The following CSMD2 variants were observed in gnomAD, a reference collection of about 807,000 sequenced individuals.
CSMD2 encodes the protein CUB and sushi domain-containing protein 2.
A neutral mutation model predicts 398.5 loss-of-function variants in CSMD2; 130 were observed. That is an observed-to-expected ratio of 0.33 (90% confidence interval 0.28 to 0.38). The LOEUF (loss-of-function observed/expected upper bound fraction) is 0.38. CSMD2 is among the 10% of genes least tolerant of loss of function. The probability of loss-of-function intolerance (pLI) is 1.00; values close to 1 mark genes in which losing one functional copy is unlikely to be tolerated. For missense variants in CSMD2, 3,829 were observed against 4,764.9 expected, an observed-to-expected ratio of 0.80 and a Z score of 5.78; for synonymous variants, 1,828 against 1,908.5, an observed-to-expected ratio of 0.96 and a Z score of 1.10.
At chr1:33,952,050 A>G (rs1423788672) in intron 3 of CSMD2, among the ~76,000 whole-genome samples, 1 of 152,212 alleles carries the variant, frequency 6.6e-6, no homozygotes, top group East Asian at 1.9e-4. Flanking sequence ...ACACACCTCC[A>G]TGGACACTCA....
intron 3 of CSMD2, among the ~76,000 whole-genome samples, chr1:33,941,814 T>G (rs899603023): frequency 4.6e-5 from 7 of 152,016 alleles, no homozygotes; most frequent in Non-Finnish European, 8.8e-5. Flanking sequence ...TCCATTCAAC[T>G]GATATATATT....
At chr1:33,753,793 T>C (rs921833968) in intron 13 of CSMD2, among the ~76,000 whole-genome samples, 2 of 152,252 alleles carry the variant, frequency 1.3e-5, no homozygotes, top group Non-Finnish European at 2.9e-5. Context: ...ATGTGGGATA[T>C]GGAGTCGAGG....
intron 3 of CSMD2, among the ~76,000 whole-genome samples, chr1:34,020,051 T>C (rs1052404782): frequency 3.3e-5 from 5 of 152,108 alleles, no homozygotes; most frequent in Admixed American, 6.5e-5. Flanking sequence ...AGAAGGACAA[T>C]AAGCAAATAA....
At chr1:33,623,085 T>A (rs1402117179) in intron 36 of CSMD2, among the ~76,000 whole-genome samples, 1 of 152,148 alleles carries the variant, frequency 6.6e-6, no homozygotes, top group Non-Finnish European at 1.5e-5. Context: ...TCCAGAGAGA[T>A]AGAAAGTAGA....
intron 13 of CSMD2, among the ~76,000 whole-genome samples, chr1:33,767,172 G>A (rs1650616975): frequency 6.6e-6 from 1 of 152,162 alleles, no homozygotes; most frequent in South Asian, 2.1e-4. Flanking sequence ...TAGCAACATG[G>A]TAAGATTCAC....
rs1003712286 is a variant in CSMD2 at position 33,624,249 on chromosome 1, C to T, written c.5625+270G>A. Among the ~76,000 whole-genome samples, 1 of 152,176 alleles carries T rather than the reference C, an allele frequency of 6.6e-6. No individual in the cohort carries two copies. The highest frequency in any genetic ancestry group is 2.4e-5 in the African/African-American group (1 of 41,430). ...CTGGCCATGGCCAATCAATGCCCAC[C>T]TCTCCTCCTTCCTGGGTTACCCGAC... On this transcript the variant is annotated intron_variant, in intron 35 of 70. Transcript: ENST00000373381. This position sits in a 1 kb window ranked among gnomAD's most constrained non-coding sequence, Gnocchi z 4.7.
intron 13 of CSMD2, among the ~76,000 whole-genome samples, chr1:33,748,318 C>T (rs1212111040): frequency 6.6e-6 from 1 of 152,170 alleles, no homozygotes; most frequent in Non-Finnish European, 1.5e-5. Context: ...GTAATTGGAT[C>T]TCATCACCCT....
intron 57 of CSMD2, 136 bp downstream of exon 57, chr1:33,545,901 C>A: frequency 1.4e-6 from 1 of 715,338 alleles, no homozygotes. Context: ...CTGTTGCAGT[C>A]CTATCAGCCA....
intron 44 of CSMD2, chr1:33,600,522 C>G: frequency 2.0e-6 from 1 of 498,452 alleles, no homozygotes; most frequent in South Asian, 2.9e-5. Context: ...AGAAGGAGAA[C>G]CCGCTAGAAA....
intron 10 of CSMD2, among the ~76,000 whole-genome samples, chr1:33,808,558 A>G (rs528367982): frequency 4.1e-4 from 62 of 152,224 alleles, no homozygotes; most frequent in African/African-American, 1.5e-3. Flanking sequence ...ATAACAGAAA[A>G]TAAATAACTG....
At chr1:33,741,204 A>T (rs772299243) in intron 14 of CSMD2, among the ~76,000 whole-genome samples, 18 of 152,064 alleles carry the variant, frequency 1.2e-4, no homozygotes, top group African/African-American at 3.9e-4. Flanking sequence ...AGTCAACATA[A>T]GTTGACTTGA....
intron 5 of CSMD2, among the ~76,000 whole-genome samples, chr1:33,871,550 C>G (rs1258881985): frequency 6.6e-6 from 1 of 152,128 alleles, no homozygotes; most frequent in Non-Finnish European, 1.5e-5. Context: ...CTGGTGAGAG[C>G]CTTCTTATTG....
chr1:34,046,444 C>T (rs2148206643), intron 2 of CSMD2, among the ~76,000 whole-genome samples: 1 of 152,270 alleles, frequency 6.6e-6, no homozygotes, highest in African/African-American at 2.4e-5. Flanking sequence ...ACCCATGGAG[C>T]ACCGTGGAAA....
intron 53 of CSMD2, among the ~76,000 whole-genome samples, chr1:33,560,183 C>A (rs1475663486): frequency 6.6e-6 from 1 of 152,172 alleles, no homozygotes; most frequent in East Asian, 1.9e-4. Context: ...GGCTGCATGC[C>A]CCACTGCAGT....
At chr1:33,565,350 G>C (rs1233939621) in intron 53 of CSMD2, among the ~76,000 whole-genome samples, 1 of 152,068 alleles carries the variant, frequency 6.6e-6, no homozygotes, top group Non-Finnish European at 1.5e-5. Context: ...AAGGGAATAA[G>C]AAGCAATGAT....
intron 5 of CSMD2, among the ~76,000 whole-genome samples, chr1:33,853,654 G>A (rs1244888925): frequency 6.6e-6 from 1 of 152,114 alleles, no homozygotes; most frequent in African/African-American, 2.4e-5. Context: ...TTGAGGGTGG[G>A]GGTGGGAGAC....
Position 33,625,188 on chromosome 1 carries a change from C to T in CSMD2, c.5363G>A (p.Gly1788Asp), listed in dbSNP as rs767100423. ...VPEPRYGKRL[G>D]SDFSVGAIVR... ...GATGGCCCCCACCGAGAAGTCACTGCCCAGCCTCTTGCCATAGCGGGGTTC... is the reference window on the plus strand; with the variant it reads ...GATGGCCCCCACCGAGAAGTCACTGTCCAGCCTCTTGCCATAGCGGGGTTC... Residue 1788 changes from glycine to aspartate, a missense_variant, in exon 34 of 71, where the codon GGC (glycine) becomes GAC (aspartate). Coordinates refer to ENST00000373381, the MANE Select transcript of CSMD2 (RefSeq NM_001281956.2). The T allele has an allele frequency of 3.7e-6, 6 of 1,614,042 alleles. No homozygotes were observed. In the South Asian group the frequency reaches 6.6e-5, roughly 18 times the overall value.
chr1:33,617,758 T>A, intron 37 of CSMD2, 141 bp from the exon 38 acceptor site: 1 of 659,784 alleles, frequency 1.5e-6, no homozygotes, highest in Non-Finnish European at 2.7e-6. Flanking sequence ...GGCTAGTTCT[T>A]CCCAACTCTC....
chr1:33,666,103 C>T (rs2149011113), intron 25 of CSMD2, among the ~76,000 whole-genome samples: 1 of 152,294 alleles, frequency 6.6e-6, no homozygotes, highest in South Asian at 2.1e-4. Context: ...GTGATCTCTC[C>T]TTTCCCTATA....
Sources: allele counts gnomAD v4.1 joint callset (sites outside exome capture counted in the v4.1 genomes callset), GRCh38; gene constraint gnomAD v4.1.1; non-coding constraint Gnocchi (gnomAD v3.1); transcripts MANE v1.5; gene names NCBI Gene and HGNC (gene_info 2026-07-23, HGNC 2026-07-21).